CPNE4: variants seen among roughly 807,000 people sequenced by gnomAD.
The protein encoded by CPNE4 is copine-4.
In CPNE4, 25 loss-of-function variants were observed where a neutral mutation model predicts 67.9. The ratio of observed to expected loss-of-function variants is 0.37; its 90% CI spans 0.27 to 0.51. The LOEUF (loss-of-function observed/expected upper bound fraction) is 0.51. Ranked by LOEUF, CPNE4 falls within the 20% of genes least tolerant of loss-of-function variation. CPNE4 has a pLI of 0.93. For synonymous variants in CPNE4, 242 were observed against 244.9 expected (o/e 0.99, Z 0.11); for missense variants, 464 against 690.8 (o/e 0.67, Z 3.68).
chr3:131,547,579 C>A (rs1935941374), intron 14 of CPNE4, among the ~76,000 whole-genome samples: 1 of 147,940 alleles, frequency 6.8e-6, no homozygotes, highest in South Asian at 2.2e-4. Context: ...GCTTTCACAC[C>A]TGGAAAAGAC....
intron 1 of CPNE4, among the ~76,000 whole-genome samples, chr3:132,023,479 CTTTTTTTTTTTT>C (rs575505348): frequency 1.2e-5 from 1 of 84,596 alleles, no homozygotes; most frequent in Non-Finnish European, 2.1e-5. Flanking sequence ...GCAGATCAGC[CTTTTTTTTTTTT>C]TTTTTTTTTT....
chr3:131,844,726 C>T (rs1312333988), intron 2 of CPNE4, among the ~76,000 whole-genome samples: 2 of 152,188 alleles, frequency 1.3e-5, no homozygotes, highest in African/African-American at 4.8e-5. Context: ...ATAGTCACAA[C>T]AGCCATCAGT....
chr3:131,821,945 C>A (rs1022649231), intron 2 of CPNE4, among the ~76,000 whole-genome samples: 1 of 152,102 alleles, frequency 6.6e-6, no homozygotes, highest in Non-Finnish European at 1.5e-5. Flanking sequence ...CTCTCTATTC[C>A]TAATTACCAG....
chr3:132,012,017 A>G (rs1211397041), intron 1 of CPNE4, among the ~76,000 whole-genome samples: 1 of 152,130 alleles, frequency 6.6e-6, no homozygotes, highest in Non-Finnish European at 1.5e-5. Context: ...TTTTTCTATA[A>G]AGGGACAGAT....
intron 1 of CPNE4, among the ~76,000 whole-genome samples, chr3:131,948,129 T>A (rs1254691544): frequency 3.9e-5 from 6 of 152,206 alleles, no homozygotes; most frequent in African/African-American, 1.4e-4. Context: ...TTAGTTTTTT[T>A]ATTCTTTTGG....
chr3:131,551,928 C>T (rs1189690810), intron 13 of CPNE4, among the ~76,000 whole-genome samples: 2 of 151,986 alleles, frequency 1.3e-5, no homozygotes, highest in African/African-American at 2.4e-5. Flanking sequence ...AACCTTTGAG[C>T]AGGCTTTCTC....
intron 7 of CPNE4, among the ~76,000 whole-genome samples, chr3:131,595,857 C>T (rs1236364976): frequency 1.3e-5 from 2 of 152,122 alleles, no homozygotes; most frequent in Non-Finnish European, 2.9e-5. Flanking sequence ...GCGTGGAGAA[C>T]ATTATGTTAA....
At chr3:131,905,677 T>C (rs1361278568) in intron 1 of CPNE4, among the ~76,000 whole-genome samples, 2 of 152,190 alleles carry the variant, frequency 1.3e-5, no homozygotes, top group Non-Finnish European at 2.9e-5. Flanking sequence ...TACTTTCTTG[T>C]ATGATTTGCA....
chr3:131,870,938 G>A (rs957472251), intron 2 of CPNE4, among the ~76,000 whole-genome samples: 6 of 152,096 alleles, frequency 3.9e-5, no homozygotes, highest in African/African-American at 1.4e-4. Flanking sequence ...ACAAGCTTTT[G>A]TTGAACATCC....
chr3:131,537,346 C>A (rs986851576), intron 15 of CPNE4, among the ~76,000 whole-genome samples: 1 of 142,502 alleles, frequency 7.0e-6, no homozygotes, highest in Non-Finnish European at 1.5e-5. Context: ...TGCAGTGGTG[C>A]GATCTCAGCT....
chr3:131,651,725 G>A (rs897938430), intron 7 of CPNE4, among the ~76,000 whole-genome samples: 3 of 152,214 alleles, frequency 2.0e-5, no homozygotes, highest in East Asian at 3.9e-4. Flanking sequence ...ATGGAATGTG[G>A]GGTAGTACCT....
At position 131,742,294 on chromosome 3, in the gene CPNE4, A is replaced by G. The variant is rs769304401; in HGVS notation, c.181-18669T>C. On this transcript the variant is annotated intron_variant, in intron 2 of 15. Transcript: ENST00000429747. ...TCTCTGCCTGTCTTCAATCTGGGAC[A>G]CCGGTCTTCTCCTGGCTTTGGACTA... Among the ~76,000 whole-genome samples, 17 of 152,236 alleles carry G rather than the reference A, an allele frequency of 1.1e-4. 1 individual carries two copies. The highest frequency in any genetic ancestry group is 4.1e-4 in the African/African-American group (17 of 41,536).
intron 2 of CPNE4, among the ~76,000 whole-genome samples, chr3:131,850,524 C>T (rs928064701): frequency 2.0e-5 from 3 of 152,100 alleles, no homozygotes; most frequent in African/African-American, 4.8e-5. Context: ...TCAATAAATG[C>T]TTCTTTTCAA....
At chr3:131,825,493 C>CAAA (rs371197777) in intron 2 of CPNE4, among the ~76,000 whole-genome samples, 10 of 114,396 alleles carry the variant, frequency 8.7e-5, no homozygotes, top group South Asian at 2.9e-4. Context: ...GAGACTCCGT[C>CAAA]AAAAAAAAAA....
chr3:131,792,730 CACGTGTGTATATATGTAT>C (rs1583207516), intron 2 of CPNE4, among the ~76,000 whole-genome samples: 32 of 87,658 alleles, frequency 3.7e-4, no homozygotes, highest in South Asian at 1.2e-3. Context: ...TATATATATA[CACGTGTGTATATATGTAT>C]ATATATACAC....
At chr3:131,849,193 T>G (rs1028959303) in intron 2 of CPNE4, among the ~76,000 whole-genome samples, 26 of 152,118 alleles carry the variant, frequency 1.7e-4, no homozygotes, top group African/African-American at 6.0e-4. Flanking sequence ...TCCCCACATC[T>G]TGACTTTGGC....
At chr3:131,543,372 T>C (rs1298762832) in intron 14 of CPNE4, among the ~76,000 whole-genome samples, 1 of 152,246 alleles carries the variant, frequency 6.6e-6, no homozygotes, top group African/African-American at 2.4e-5. Flanking sequence ...ATTTTAAGTA[T>C]GTTTGGAACA....
At chr3:132,029,025 ACAC>A (rs2074181666) in intron 1 of CPNE4, among the ~76,000 whole-genome samples, 1 of 152,088 alleles carries the variant, frequency 6.6e-6, no homozygotes, top group Non-Finnish European at 1.5e-5. Flanking sequence ...ACACTTTTAA[ACAC>A]CTCACATTTA....
At chr3:131,734,551 A>G (rs2082194742) in intron 2 of CPNE4, among the ~76,000 whole-genome samples, 1 of 152,060 alleles carries the variant, frequency 6.6e-6, no homozygotes, top group Admixed American at 6.6e-5. Flanking sequence ...CCTGAGGTTT[A>G]ATTTTTAGTA....
Sources: allele counts gnomAD v4.1 joint callset (sites outside exome capture counted in the v4.1 genomes callset), GRCh38; gene constraint gnomAD v4.1.1; transcripts MANE v1.5; gene names NCBI Gene and HGNC (gene_info 2026-07-23, HGNC 2026-07-21).